Variants in TSPAN15 observed in about 807,000 individuals in gnomAD.
The protein encoded by TSPAN15 is tetraspanin 15, also known as tetraspanin-15.
A neutral mutation model predicts 34.5 loss-of-function variants in TSPAN15; 20 were observed. The ratio of observed to expected loss-of-function variants is 0.58; its 90% CI spans 0.41 to 0.84. The LOEUF (loss-of-function observed/expected upper bound fraction) is 0.84, where lower values mean the gene tolerates loss of function less well. TSPAN15 is among the 40% of genes least tolerant of loss of function. TSPAN15 has a pLI of 0.00. For missense variants in TSPAN15, 313 were observed against 386.1 expected, an observed-to-expected ratio of 0.81 and a Z score of 1.59; for synonymous variants, 155 against 153.9, an observed-to-expected ratio of 1.01 and a Z score of -0.05.
the TSPAN15 span, among the ~76,000 whole-genome samples, chr10:69,535,240 A>G: frequency 6.6e-6 from 1 of 152,182 alleles, no homozygotes; most frequent in African/African-American, 2.4e-5. Flanking sequence ...AATCTGGAAT[A>G]TCTTATCATA....
chr10:69,473,236 T>C (rs757470064), intron 1 of TSPAN15, among the ~76,000 whole-genome samples: 1 of 152,222 alleles, frequency 6.6e-6, no homozygotes, highest in Non-Finnish European at 1.5e-5. Flanking sequence ...CATGGCTCGC[T>C]ATAGCCTTGA....
intron 5 of TSPAN15, among the ~76,000 whole-genome samples, chr10:69,499,314 A>C (rs933974087): frequency 6.6e-6 from 1 of 152,246 alleles, no homozygotes; most frequent in Admixed American, 6.5e-5. Context: ...CCCATGAGTC[A>C]GAGAGCCAGT....
chr10:69,535,998 C>T, the TSPAN15 span, among the ~76,000 whole-genome samples: 5 of 152,192 alleles, frequency 3.3e-5, no homozygotes, highest in Admixed American at 1.3e-4. Context: ...GGAGCATCTT[C>T]GAACCTGAAC....
intron 3 of TSPAN15, among the ~76,000 whole-genome samples, chr10:69,490,123 T>C (rs1368649929): frequency 3.3e-5 from 5 of 152,102 alleles, no homozygotes; most frequent in African/African-American, 1.2e-4. Context: ...GACACTGTGG[T>C]CAGGGAACAG....
chr10:69,507,738 C>A (rs1842366659), downstream of TSPAN15: 13 of 1,054,398 alleles, frequency 1.2e-5, no homozygotes, highest in South Asian at 2.1e-4. Context: ...ATTTGGAAAC[C>A]CCTTGTGGAT....
intron 1 of TSPAN15, among the ~76,000 whole-genome samples, chr10:69,478,163 G>A (rs749464133): frequency 1.0e-4 from 14 of 135,010 alleles, no homozygotes; most frequent in Admixed American, 2.7e-4. Flanking sequence ...AGTGTGCAGA[G>A]CAGGTGGCAG....
In TSPAN15 at chr10:69,506,731, CT is replaced by C; in HGVS notation, c.736-96del. On this transcript the variant is annotated intron_variant, in intron 7 of 7. Coordinates refer to ENST00000373290, the MANE Select transcript of TSPAN15 (RefSeq NM_012339.5). This position sits in a 1 kb window ranked among gnomAD's most constrained non-coding sequence, Gnocchi z 4.7. ...CCCAGGTCACACAGGACCATGAGGG[CT>C]TGGGACTGGCTGCTTGGGTTTCTGG... 1 of 1,265,464 alleles carries C rather than the reference CT, an allele frequency of 7.9e-7. No individual in the cohort carries two copies. The highest frequency in any genetic ancestry group is 1.1e-6 in the Non-Finnish European group (1 of 898,046). The allele number at this position is 1,265,464 out of a possible 1,614,324, so 78.4% of individuals were successfully genotyped here. A position where few individuals can be genotyped will look rare whatever the true frequency, so the allele number is the denominator to read the frequency against.
chr10:69,460,681 G>C (rs74478784), intron 1 of TSPAN15, among the ~76,000 whole-genome samples: 2,487 of 152,228 alleles, frequency 0.016, 67 homozygotes, highest in African/African-American at 0.057. Flanking sequence ...TGGATTCTCA[G>C]AGTGACCCTT....
downstream of TSPAN15, chr10:69,507,761 G>C (rs773964596): frequency 3.7e-5 from 31 of 834,396 alleles, no homozygotes; most frequent in Middle Eastern, 2.0e-3. Flanking sequence ...GAGGATGAAG[G>C]GGGTGCATGG....
chr10:69,541,570 A>G, the TSPAN15 span, among the ~76,000 whole-genome samples: 1 of 152,244 alleles, frequency 6.6e-6, no homozygotes, highest in South Asian at 2.1e-4. Context: ...AGTGGGCTCC[A>G]TCCCCACATT....
chr10:69,516,343 T>C, the TSPAN15 span, among the ~76,000 whole-genome samples: 1 of 152,220 alleles, frequency 6.6e-6, no homozygotes, highest in Non-Finnish European at 1.5e-5. Flanking sequence ...TGCCTGCATC[T>C]GAGTAGCTGA....
chr10:69,505,952 A>G, intron 6 of TSPAN15, 172 bp from the exon 7 acceptor site: 1 of 596,220 alleles, frequency 1.7e-6, no homozygotes, highest in East Asian at 2.8e-5. Context: ...AGAGAACAGT[A>G]CTGTCCATTA....
chr10:69,539,939 G>A, the TSPAN15 span, among the ~76,000 whole-genome samples: 3 of 151,092 alleles, frequency 2.0e-5, no homozygotes, highest in Admixed American at 1.3e-4. Flanking sequence ...CTTTGCTGCA[G>A]GGGGATGCTG....
At position 69,463,808 on chromosome 10, in the gene TSPAN15, CA is replaced by C. The variant is rs56064605; in HGVS notation, c.96+12134del. 2.9e-3 allele frequency among the ~76,000 whole-genome samples: 341 copies of C among 116,918 alleles called. 1 individual carries two copies. The highest frequency in any genetic ancestry group is 5.1e-3 in the Admixed American group (57 of 11,134). The allele number at this position is 116,918 out of a possible 152,430, so 76.7% of individuals were successfully genotyped here. A position where few individuals can be genotyped will look rare whatever the true frequency, so the allele number is the denominator to read the frequency against. On this transcript the variant is annotated intron_variant, in intron 1 of 7. Transcript: ENST00000373290. ...TGGGCATCAGAGTGAGACTCCGTCT[CA>C]AAAAAAAAAAAAAAAGTATGAAGGT...
At chr10:69,463,222 T>A (rs1289826244) in intron 1 of TSPAN15, among the ~76,000 whole-genome samples, 1 of 152,236 alleles carries the variant, frequency 6.6e-6, no homozygotes, top group Non-Finnish European at 1.5e-5. Flanking sequence ...TGTGATAATT[T>A]TTCCTCCTTC....
intron 1 of TSPAN15, among the ~76,000 whole-genome samples, chr10:69,461,457 C>G (rs11597482): frequency 0.39 from 58,609 of 151,976 alleles, 12,009 homozygotes; most frequent in Non-Finnish European, 0.45. Flanking sequence ...CCTGGGAGAG[C>G]AGGAACCCCC....
chr10:69,537,125 T>C, the TSPAN15 span, among the ~76,000 whole-genome samples: 2 of 151,992 alleles, frequency 1.3e-5, no homozygotes, highest in East Asian at 3.9e-4. Context: ...TATTAATTTG[T>C]TGGGGGTGGG....
chr10:69,513,796 A>G, the TSPAN15 span, among the ~76,000 whole-genome samples: 1 of 152,254 alleles, frequency 6.6e-6, no homozygotes, highest in Non-Finnish European at 1.5e-5. Context: ...TGTTTTGTAC[A>G]TGCATATCCA....
At chr10:69,539,053 G>T in the TSPAN15 span, among the ~76,000 whole-genome samples, 1 of 152,136 alleles carries the variant, frequency 6.6e-6, no homozygotes, top group Non-Finnish European at 1.5e-5. Flanking sequence ...GCTCATAGAG[G>T]TCCTTGGTGA....
Sources: gnomAD v4.1 joint callset for allele counts (sites outside exome capture counted in the v4.1 genomes callset) on GRCh38, gnomAD v4.1.1 for gene constraint, Gnocchi (gnomAD v3.1) non-coding constraint, MANE v1.5 for transcripts, NCBI Gene and HGNC (gene_info 2026-07-23, HGNC 2026-07-21) for gene names.